KLKB1: variants seen among roughly 807,000 people sequenced by gnomAD.
The protein encoded by KLKB1 is kallikrein B1.
KLKB1 carries 58 observed loss-of-function variants against 73.6 expected under a neutral mutation model. That is an observed-to-expected ratio of 0.79 (90% CI 0.64 to 0.98). The LOEUF (loss-of-function observed/expected upper bound fraction) is 0.98. Among genes scored for constraint, KLKB1 ranks in the 50% least tolerant of loss-of-function variants. The pLI, the probability that KLKB1 is intolerant of heterozygous loss-of-function variation, is 0.00. For missense variants in KLKB1, 737 were observed against 763.8 expected (o/e 0.96, Z 0.41); for synonymous variants, 280 against 258.1 (o/e 1.08, Z -0.81).
intron 4 of KLKB1, among the ~76,000 whole-genome samples, chr4:186,235,771 T>C (rs1333593065): frequency 6.6e-6 from 1 of 152,164 alleles, no homozygotes; most frequent in Non-Finnish European, 1.5e-5. Context: ...TTTATACTTC[T>C]GGTTACATTA....
At chr4:186,248,459 G>A (rs145833827) in intron 6 of KLKB1, among the ~76,000 whole-genome samples, 3 of 152,062 alleles carry the variant, frequency 2.0e-5, no homozygotes, top group East Asian at 1.9e-4. Flanking sequence ...TTCACCTGGC[G>A]TGTTTTCAAG....
At chr4:186,230,141 G>A (rs1474427091) in intron 2 of KLKB1, among the ~76,000 whole-genome samples, 1 of 152,062 alleles carries the variant, frequency 6.6e-6, no homozygotes, top group Admixed American at 6.6e-5. Flanking sequence ...TGGGCTTTTT[G>A]GCTCCTGAAC....
chr4:186,214,780 C>T (rs959848130), intron 2 of KLKB1, among the ~76,000 whole-genome samples: 3 of 152,182 alleles, frequency 2.0e-5, no homozygotes, highest in Admixed American at 6.5e-5. Context: ...AAAATGGACT[C>T]GTTGCATCCT....
intron 8 of KLKB1, 42 bp from the exon 9 acceptor site, chr4:186,251,445 C>T: frequency 1.9e-6 from 3 of 1,596,100 alleles, no homozygotes; most frequent in Non-Finnish European, 1.7e-6. Flanking sequence ...TCGTTCATTG[C>T]TTTTCCCATC....
chr4:186,247,963 C>T (rs1738441808), intron 6 of KLKB1, among the ~76,000 whole-genome samples: 1 of 152,124 alleles, frequency 6.6e-6, no homozygotes, highest in South Asian at 2.1e-4. Flanking sequence ...AAGGCTGTAT[C>T]CAGGCCGGGC....
At chr4:186,253,632 A>G (rs1738827313) in intron 11 of KLKB1, among the ~76,000 whole-genome samples, 1 of 99,490 alleles carries the variant, frequency 1.0e-5, no homozygotes, top group African/African-American at 3.7e-5. Context: ...TTTGCACCTG[A>G]TATCTCCATC....
At chr4:186,218,375 G>A (rs1006787385) in intron 2 of KLKB1, among the ~76,000 whole-genome samples, 1 of 152,098 alleles carries the variant, frequency 6.6e-6, no homozygotes. Context: ...TGTTAGATGA[G>A]GTTTCAACTA....
At position 186,257,910 on chromosome 4, in the gene KLKB1, A is replaced by G; in HGVS notation, c.1726-111A>G. On this transcript the variant is annotated intron_variant, in intron 14 of 14. Coordinates refer to ENST00000264690, the MANE Select transcript of KLKB1 (RefSeq NM_000892.5). Reference sequence around the variant, plus strand: ...CATCTCTACAAAAAAATATGAAAGTATCTGTGTGTGTGTGTTGCTGTGTAG... The same window carrying G: ...CATCTCTACAAAAAAATATGAAAGTGTCTGTGTGTGTGTGTTGCTGTGTAG... 6 of 962,250 alleles carry G rather than the reference A, an allele frequency of 6.2e-6. No homozygotes were observed. The East Asian group carries it at 9.8e-5, about 16-fold the overall frequency. 59.6% of individuals were successfully genotyped at this position (962,250 alleles called of 1,614,324 possible).
At position 186,250,391 on chromosome 4, in the gene KLKB1, C is replaced by G. The variant is rs757891885; in HGVS notation, c.747C>G (p.Ile249Met). 5 of 1,614,082 alleles carry G rather than the reference C, an allele frequency of 3.1e-6. No homozygotes were observed. The South Asian group carries it at 4.4e-5, about 14-fold the overall frequency. The part of the protein sequence containing the change: ...FFTFYTNVWK[I>M]ESQRNVCLLK... ...CATTCTATACAAATGTATGGAAAAT[C>G]GAGTCACAAAGGCGAGTATGCATGG... Residue 249 changes from isoleucine (I) to methionine (M), a missense_variant, in exon 7 of 15, where the codon ATC (isoleucine) becomes ATG (methionine). Physicochemically the swap from Ile to Met is conservative, Grantham distance 10. Coordinates refer to ENST00000264690, the MANE Select transcript of KLKB1 (RefSeq NM_000892.5).
upstream of KLKB1, among the ~76,000 whole-genome samples, chr4:186,223,654 A>G (rs1737079510): frequency 6.6e-6 from 1 of 152,212 alleles, no homozygotes; most frequent in South Asian, 2.1e-4. Context: ...CTGAAAGCAT[A>G]CAGTCAAGTC....
chr4:186,239,855 T>A (rs1314680083), intron 6 of KLKB1, among the ~76,000 whole-genome samples: 1 of 149,244 alleles, frequency 6.7e-6, no homozygotes, highest in African/African-American at 2.4e-5. Context: ...GACAGTGATA[T>A]AGGACAGTGA....
chr4:186,258,383 T>C lies in KLKB1; in HGVS notation c.*171T>C, dbSNP rs991174072. 5.7e-5 allele frequency: 39 copies of C among 689,574 alleles called. No homozygotes were observed. The East Asian group carries it at 1.1e-3, about 19-fold the overall frequency. 42.7% of individuals were successfully genotyped at this position (689,574 alleles called of 1,614,324 possible). A position where few individuals can be genotyped will look rare whatever the true frequency, so the allele number is the denominator to read the frequency against. ...GACAATGTCTGGCTGAAGCCCGCTTTCAGCACGCCGTAACCAGGGGCTGAC... is the reference window on the plus strand; with the variant it reads ...GACAATGTCTGGCTGAAGCCCGCTTCCAGCACGCCGTAACCAGGGGCTGAC... On this transcript the variant is annotated 3_prime_UTR_variant, in exon 15 of 15. Transcript: ENST00000264690.
intron 4 of KLKB1, 122 bp downstream of exon 4, chr4:186,234,180 G>A: frequency 1.3e-6 from 1 of 752,290 alleles, no homozygotes; most frequent in East Asian, 2.6e-5. Flanking sequence ...ATAGGAGATG[G>A]GGCAGTATTC....
intron 6 of KLKB1, among the ~76,000 whole-genome samples, chr4:186,248,595 ATTTT>A (rs138717531): frequency 1.3e-4 from 15 of 114,916 alleles, no homozygotes; most frequent in Non-Finnish European, 2.0e-4. Flanking sequence ...TTGTTTCTGG[ATTTT>A]TTTTTTTTTT....
At chr4:186,217,539 A>G (rs1357454476) in intron 2 of KLKB1, among the ~76,000 whole-genome samples, 2 of 152,156 alleles carry the variant, frequency 1.3e-5, no homozygotes, top group Admixed American at 1.3e-4. Flanking sequence ...TATACATAAA[A>G]TATTTATTTA....
At chr4:186,232,621 C>A (rs4253244) in intron 3 of KLKB1, among the ~76,000 whole-genome samples, 105,691 of 152,136 alleles carry the variant, frequency 0.69, 37,328 homozygotes, top group African/African-American at 0.81. Context: ...CTAACAGGTG[C>A]ACATTTCATC....
intron 5 of KLKB1, among the ~76,000 whole-genome samples, chr4:186,237,193 G>C (rs2126639516): frequency 6.6e-6 from 1 of 152,214 alleles, no homozygotes; most frequent in East Asian, 1.9e-4. Flanking sequence ...CCGCTTCCCG[G>C]GTTCAAGCGA....
chr4:186,251,485 A>T lies in KLKB1; in HGVS notation c.869-2A>T. On this transcript the variant is annotated splice_acceptor_variant, in intron 8 of 14. Coordinates refer to ENST00000264690, the MANE Select transcript of KLKB1 (RefSeq NM_000892.5). LOFTEE classifies it high-confidence loss of function. ...ATCTTTTTGTGTTTATAATTGACACAGAACCCTGCCATTCTAAAATTTACC... is the reference window on the plus strand; with the variant it reads ...ATCTTTTTGTGTTTATAATTGACACTGAACCCTGCCATTCTAAAATTTACC... The T allele has an allele frequency of 6.2e-7, 1 of 1,613,538 alleles. No homozygotes were observed. The highest frequency in any genetic ancestry group is 8.5e-7 in the Non-Finnish European group (1 of 1,179,480).
rs41278597 is a variant in KLKB1 at position 186,257,973 on chromosome 4, T to C, written c.1726-48T>C. ...CTTTAGAGGCAGTCACTTATTTGAA[T>C]CCCATTGTCGTAACTTTCTACTATT... On this transcript the variant is annotated intron_variant, in intron 14 of 14. Coordinates refer to ENST00000264690, the MANE Select transcript of KLKB1 (RefSeq NM_000892.5). 2.5e-3 allele frequency: 3,893 copies of C among 1,541,378 alleles called. 11 individuals carry two copies. The highest frequency in any genetic ancestry group is 3.2e-3 in the Non-Finnish European group (3,533 of 1,113,718).
Sources: gnomAD v4.1 joint callset for allele counts (sites outside exome capture counted in the v4.1 genomes callset) on GRCh38, gnomAD v4.1.1 for gene constraint, MANE v1.5 for transcripts, NCBI Gene and HGNC (gene_info 2026-07-23, HGNC 2026-07-21) for gene names.